The following MYLK2 variants were observed in gnomAD, a reference collection of about 807,000 sequenced individuals.
MYLK2 encodes myosin light chain kinase 2, skeletal/cardiac muscle.
MYLK2 carries 27 observed loss-of-function variants against 58.2 expected under a neutral mutation model. The ratio of observed to expected loss-of-function variants is 0.46; its 90% CI spans 0.34 to 0.64. The LOEUF is 0.64. MYLK2 is among the 30% of genes least tolerant of loss of function. MYLK2 has a pLI of 0.01. For synonymous variants in MYLK2, 310 were observed against 296.7 expected (o/e 1.04, Z -0.46); for missense variants, 676 against 764.3 (o/e 0.88, Z 1.36).
intron 8 of MYLK2, among the ~76,000 whole-genome samples, chr20:31,829,776 T>A (rs910754983): frequency 1.3e-5 from 2 of 152,234 alleles, no homozygotes; most frequent in African/African-American, 4.8e-5. Flanking sequence ...GAACCATTGT[T>A]AACTTAAAAA....
rs1429941974 is a variant in MYLK2 at position 31,824,369 on chromosome 20, G to A, written c.972+17G>A. On this transcript the variant is annotated intron_variant, in intron 6 of 12. Transcript: ENST00000375985. ...AAAGACAAGGTAGTGAGGTTGCGGGGGTGGTGGCTGCCCAGGATGGGGAGG... is the reference window on the plus strand; with the variant it reads ...AAAGACAAGGTAGTGAGGTTGCGGGAGTGGTGGCTGCCCAGGATGGGGAGG... 3 of 1,601,348 alleles carry A rather than the reference G, an allele frequency of 1.9e-6. No individual in the cohort carries two copies. The Admixed American group carries it at 5.1e-5, about 27-fold the overall frequency.
At chr20:31,823,823 C>A (rs2062264685) in intron 5 of MYLK2, 1 of 558,252 alleles carries the variant, frequency 1.8e-6, no homozygotes, top group Non-Finnish European at 2.3e-6. Context: ...AGGAAATACA[C>A]AGCATTTTTC....
At position 31,820,632 on chromosome 20, in the gene MYLK2, T is replaced by C. The variant is rs12480305; in HGVS notation, c.473+86T>C. The C allele has an allele frequency of 0.074, 109,909 of 1,491,022 alleles. 4,499 individuals are homozygous for C. Among genetic ancestry groups the C allele is most frequent in the African/African-American group, 0.14 (10,113 of 72,664 alleles). 92.4% of individuals were successfully genotyped at this position (1,491,022 alleles called of 1,614,324 possible). ...TTAATTCCCTTGTCTTAGGCATGGT[T>C]ATCATCACATTCAGTGCTGGGGAGT... On this transcript the variant is annotated intron_variant, in intron 3 of 12. Coordinates refer to ENST00000375985, the MANE Select transcript of MYLK2 (RefSeq NM_033118.4).
intron 6 of MYLK2, chr20:31,824,577 C>T (rs2062269401): frequency 1.0e-6 from 1 of 984,938 alleles, no homozygotes; most frequent in Non-Finnish European, 1.2e-6. Flanking sequence ...TATCTGGGGA[C>T]TTCCCTTTTA....
rs143827648 is a variant in MYLK2 at position 31,822,160 on chromosome 20, C to T, written c.772+423C>T. Among the ~76,000 whole-genome samples, 992 of 152,274 alleles carry T rather than the reference C, an allele frequency of 6.5e-3. 7 individuals carry two copies. Among genetic ancestry groups the T allele is most frequent in the African/African-American group, 0.022 (931 of 41,544 alleles). The stretch of plus-strand genomic sequence containing the variant: ...GAAAAAGGAAAATGAAGTGCCCAAA[C>T]ATATCCAGTGAAGACAGGATTTGAA... On this transcript the variant is annotated intron_variant, in intron 4 of 12. Transcript: ENST00000375985.
chr20:31,824,424 C>T lies in MYLK2; in HGVS notation c.972+72C>T. 3.2e-6 allele frequency: 5 copies of T among 1,557,878 alleles called. No homozygotes were observed. In the South Asian group the frequency reaches 4.7e-5, roughly 15 times the overall value. ...CCTTGGAGTGGGCACCTCTCGCCTC[C>T]CTCCACCAGCGCTGCTGAACCTGGG... On this transcript the variant is annotated intron_variant, in intron 6 of 12. Coordinates refer to ENST00000375985, the MANE Select transcript of MYLK2 (RefSeq NM_033118.4).
chr20:31,823,690 T>G, intron 5 of MYLK2, 108 bp downstream of exon 5: 1 of 1,090,320 alleles, frequency 9.2e-7, no homozygotes, highest in Admixed American at 1.9e-5. Flanking sequence ...CGCTGAGACA[T>G]GGCCACATGG....
Position 31,831,848 on chromosome 20 carries a change from G to T in MYLK2, c.1570G>T (p.Asp524Tyr). The change falls in exon 11 of 13, where the codon GAC becomes TAC. Residue 524 changes from aspartate to tyrosine, a missense_variant. Coordinates refer to ENST00000375985, the MANE Select transcript of MYLK2 (RefSeq NM_033118.4). Reference sequence around the variant, plus strand: ...CTTTGTCTCCAACCTCATCGTCAAGGACCAGAGGTGAGGCTCACCCCAGAA... The same window carrying T: ...CTTTGTCTCCAACCTCATCGTCAAGTACCAGAGGTGAGGCTCACCCCAGAA... Reference protein sequence around the residue: ...KDFVSNLIVKDQRARMNAAQC... With the variant: ...KDFVSNLIVKYQRARMNAAQC... 6.2e-7 allele frequency: 1 copy of T among 1,614,154 alleles called. No homozygotes were observed. The highest frequency in any genetic ancestry group is 1.3e-5 in the African/African-American group (1 of 75,032).
rs139159937 is a variant in MYLK2 at position 31,819,801 on chromosome 20, G to A, written c.52+169G>A. Among the ~76,000 whole-genome samples, 139 of 152,288 alleles carry A rather than the reference G, an allele frequency of 9.1e-4. 1 individual carries two copies. The highest frequency in any genetic ancestry group is 3.2e-3 in the African/African-American group (135 of 41,572). On this transcript the variant is annotated intron_variant, in intron 2 of 12. Coordinates refer to ENST00000375985, the MANE Select transcript of MYLK2 (RefSeq NM_033118.4). ...TGGCTAGGGTTGGGCTGGGTCCAGGGCCTGTATGAAGCCCTTCCTGGAGAG... is the reference window on the plus strand; with the variant it reads ...TGGCTAGGGTTGGGCTGGGTCCAGGACCTGTATGAAGCCCTTCCTGGAGAG...
rs1339721059 is a variant in MYLK2, at chr20:31,833,849, A to C, written c.*52A>C. ...GCAGCCACACAGTGGCCGGGGCTGA[A>C]GCCACACAGCCCAGAAGGCCAGAAA... On this transcript the variant is annotated 3_prime_UTR_variant, in exon 13 of 13. Transcript: ENST00000375985. 1 of 1,534,426 alleles carries C rather than the reference A, an allele frequency of 6.5e-7. No individual in the cohort carries two copies. The highest frequency in any genetic ancestry group is 1.1e-5 in the South Asian group (1 of 89,502).
In MYLK2 at chr20:31,821,464, C is replaced by T. The variant is rs2062251530; in HGVS notation, c.499C>T (p.Pro167Ser). The change falls in exon 4 of 13, where the codon CCC becomes TCC. Residue 167 changes from proline (P) to serine (S), a missense_variant. This residue lies in a region of MYLK2 where 306 missense variants were observed against 296.5 expected (regional missense o/e 1.03). Transcript: ENST00000375985. ...TTCTGAGAAGCTGCTGGCCAAGAAG[C>T]CCCCAAGCGAGGCATCAGAGCTCAC... Reference protein sequence around the residue: ...SSSEKLLAKKPPSEASELTFE... With the variant: ...SSSEKLLAKKSPSEASELTFE... 1 of 1,613,586 alleles carries T rather than the reference C, an allele frequency of 6.2e-7. No individual in the cohort carries two copies.
intron 6 of MYLK2, 148 bp downstream of exon 6, chr20:31,824,500 G>A: frequency 2.0e-6 from 3 of 1,506,556 alleles, no homozygotes; most frequent in Non-Finnish European, 2.7e-6. Context: ...ATAGAGAGAT[G>A]GATGGACAGC....
At chr20:31,825,274 C>T (rs1195383460) in intron 6 of MYLK2, among the ~76,000 whole-genome samples, 2 of 152,206 alleles carry the variant, frequency 1.3e-5, no homozygotes, top group African/African-American at 2.4e-5. Flanking sequence ...CTTCCACTTA[C>T]AGGGCCTGGG....
At chr20:31,833,087 C>T (rs756979901) in intron 12 of MYLK2, among the ~76,000 whole-genome samples, 5 of 151,934 alleles carry the variant, frequency 3.3e-5, no homozygotes, top group Admixed American at 6.6e-5. Context: ...GATGAGGTCT[C>T]GCCATGTTGC....
rs780660993 is a variant in MYLK2, at chr20:31,820,517, T to C, written c.444T>C (p.His148=). The change falls in exon 3 of 13, where the codon CAT becomes CAC. Residue 148 remains histidine (H), a synonymous_variant. Coordinates refer to ENST00000375985, the MANE Select transcript of MYLK2 (RefSeq NM_033118.4). ...AARRGSPAFL[H]SPSCPAIISS... ...GGAGGGGCTCACCTGCCTTTCTGCA[T>C]AGCCCCAGCTGTCCTGCCATCATCT... is the stretch of plus-strand genomic sequence containing the variant. 6.2e-7 allele frequency: 1 copy of C among 1,603,128 alleles called. No individual in the cohort carries two copies. Among genetic ancestry groups the C allele is most frequent in the Non-Finnish European group, 8.5e-7 (1 of 1,179,974 alleles).
chr20:31,832,014 A>T lies in MYLK2; in HGVS notation c.1588A>T (p.Asn530Tyr), dbSNP rs1199374965. 1.2e-6 allele frequency: 2 copies of T among 1,609,718 alleles called. No individual in the cohort carries two copies. Among genetic ancestry groups the T allele is most frequent in the Non-Finnish European group, 1.7e-6 (2 of 1,177,934 alleles). Reference sequence around the variant, plus strand: ...CTGCCTCTCCCCCAGGGCCCGGATGAACGCTGCCCAGTGTCTCGCCCATCC... The same window carrying T: ...CTGCCTCTCCCCCAGGGCCCGGATGTACGCTGCCCAGTGTCTCGCCCATCC... ...LIVKDQRARMNAAQCLAHPWL... is the reference protein window; with the variant it reads ...LIVKDQRARMYAAQCLAHPWL... The change falls in exon 12 of 13, where the codon AAC becomes TAC. Residue 530 changes from asparagine (N) to tyrosine (Y), a missense_variant. Physicochemically the swap from Asn to Tyr is moderately radical, Grantham distance 143. This residue lies in a region of MYLK2 where 370 missense variants were observed against 467.8 expected (regional missense o/e 0.79). Coordinates refer to ENST00000375985, the MANE Select transcript of MYLK2 (RefSeq NM_033118.4).
chr20:31,823,990 T>A, intron 5 of MYLK2: 1 of 984,420 alleles, frequency 1.0e-6, no homozygotes, highest in Non-Finnish European at 1.2e-6. Context: ...CCTCTAAGGG[T>A]CGCATCCCAG....
intron 8 of MYLK2, among the ~76,000 whole-genome samples, chr20:31,828,875 C>A (rs1379600861): frequency 6.6e-6 from 1 of 152,052 alleles, no homozygotes; most frequent in Non-Finnish European, 1.5e-5. Context: ...AATTTAGAGG[C>A]TGATGGAGTA....
At chr20:31,831,368 C>T (rs2062305634) in intron 10 of MYLK2, among the ~76,000 whole-genome samples, 1 of 152,000 alleles carries the variant, frequency 6.6e-6, no homozygotes, top group Non-Finnish European at 1.5e-5. Flanking sequence ...ATCTGGACAG[C>T]AGATCTCGGA....
Sources: gnomAD v4.1 joint callset for allele counts (sites outside exome capture counted in the v4.1 genomes callset) on GRCh38, gnomAD v4.1.1 for gene constraint, gnomAD v4.1.1 regional missense constraint, MANE v1.5 for transcripts, NCBI Gene and HGNC (gene_info 2026-07-23, HGNC 2026-07-21) for gene names.